The following DCAF1 variants were observed in gnomAD, a reference collection of about 807,000 sequenced individuals.
DCAF1 encodes the protein DDB1- and CUL4-associated factor 1.
A neutral mutation model predicts 128.0 loss-of-function variants in DCAF1; 15 were observed. The observed-to-expected ratio is 0.12, with a 90% confidence interval of 0.08 to 0.18. DCAF1 has a LOEUF of 0.18. Ranked by LOEUF, DCAF1 falls within the 10% of genes least tolerant of loss-of-function variation. The pLI is 1.00. For missense variants in DCAF1, 988 were observed against 1,649.5 expected (o/e 0.60, Z 6.95); for synonymous variants, 610 against 603.0 (o/e 1.01, Z -0.17).
upstream of DCAF1, among the ~76,000 whole-genome samples, chr3:51,504,989 G>A (rs940323014): frequency 6.6e-6 from 1 of 151,998 alleles, no homozygotes; most frequent in African/African-American, 2.4e-5. Flanking sequence ...ACAGCCAGGC[G>A]TGGTAGCTCA....
In DCAF1 at chr3:51,499,963, C is replaced by T. The variant is rs1207537727; in HGVS notation, c.-146G>A. ...AGCCTCAGGTCCCGCACTCACTCTC[C>T]ACTCACACACACACACAGCGCGACC... On this transcript the variant is annotated 5_prime_UTR_variant, in exon 1 of 25. Transcript: ENST00000684031. 6.7e-6 allele frequency: 1 copy of T among 149,758 alleles called. No homozygotes were observed. The highest frequency in any genetic ancestry group is 2.0e-4 in the East Asian group (1 of 5,044). 9.3% of individuals were successfully genotyped at this position (149,758 alleles called of 1,614,324 possible).
intron 10 of DCAF1, among the ~76,000 whole-genome samples, chr3:51,431,516 T>C (rs1700376733): frequency 7.9e-6 from 1 of 127,000 alleles, no homozygotes; most frequent in South Asian, 2.5e-4. Context: ...CAAGATTCCG[T>C]CTCAAAAAAA....
chr3:51,457,684 A>AG (rs561906812), intron 6 of DCAF1, among the ~76,000 whole-genome samples: 2 of 152,244 alleles, frequency 1.3e-5, no homozygotes, highest in Non-Finnish European at 2.9e-5. Context: ...TTACCCACAA[A>AG]GGGAAGCCCA....
chr3:51,470,995 A>C lies in DCAF1; in HGVS notation c.121T>G (p.Leu41Val). The change falls in exon 4 of 25, where the codon TTG becomes GTG. Residue 41 changes from leucine (L) to valine (V), a missense_variant. Transcript: ENST00000684031. ...TACTCTTCAGTTTCTTTTTCAATCA[A>C]TTGAGACATCCTAGCACAAAGGAAA... is the stretch of plus-strand genomic sequence containing the variant. ...MVPILTRMSQ[L>V]IEKETEEYRK... 1 of 1,607,594 alleles carries C rather than the reference A, an allele frequency of 6.2e-7. No individual in the cohort carries two copies.
chr3:51,449,514 T>C (rs1428857649), intron 6 of DCAF1, among the ~76,000 whole-genome samples: 3 of 152,142 alleles, frequency 2.0e-5, no homozygotes, highest in Non-Finnish European at 4.4e-5. Context: ...GCCAGAATGA[T>C]ATTTATAGCT....
intron 6 of DCAF1, among the ~76,000 whole-genome samples, chr3:51,459,851 T>G (rs1703344924): frequency 6.6e-6 from 1 of 152,140 alleles, no homozygotes; most frequent in Admixed American, 6.6e-5. Context: ...TTGACAAAAT[T>G]CAACAACCTT....
At chr3:51,469,668 A>C (rs1553647816) in intron 4 of DCAF1, among the ~76,000 whole-genome samples, 2 of 152,138 alleles carry the variant, frequency 1.3e-5, no homozygotes, top group African/African-American at 4.8e-5. Context: ...CAAGTCCCTC[A>C]TAATTCTGTA....
intron 13 of DCAF1, among the ~76,000 whole-genome samples, chr3:51,423,696 G>A (rs550155027): frequency 1.3e-5 from 2 of 151,770 alleles, no homozygotes; most frequent in East Asian, 3.9e-4. Context: ...GTGGGCATCT[G>A]TAATCCCAGC....
At chr3:51,424,054 G>A (rs1699679273) in intron 13 of DCAF1, among the ~76,000 whole-genome samples, 1 of 151,974 alleles carries the variant, frequency 6.6e-6, no homozygotes, top group Non-Finnish European at 1.5e-5. Flanking sequence ...AATAAAAAAT[G>A]TAAGATATAA....
intron 17 of DCAF1, 41 bp downstream of exon 17, chr3:51,418,075 G>A (rs917558555): frequency 1.3e-6 from 2 of 1,581,456 alleles, no homozygotes; most frequent in Admixed American, 3.7e-5. Context: ...TATAAACTAG[G>A]TAAATAAAGC....
At chr3:51,396,146 C>T (rs1374388583), downstream of DCAF1, 5 of 398,574 alleles carry the variant, frequency 1.3e-5, no homozygotes, top group Non-Finnish European at 2.3e-5. Flanking sequence ...TATCTTCCTT[C>T]ATGAAGCAGG....
At position 51,465,950 on chromosome 3, in the gene DCAF1, G is replaced by A. The variant is rs187847092; in HGVS notation, c.261+853C>T. ...GCAGTGGTTCACGTCTGTAATCCCA[G>A]CACTTTGGGAGGCCAAGGTGGGTGG... On this transcript the variant is annotated intron_variant, in intron 5 of 24. Transcript: ENST00000684031. 1.5e-4 allele frequency among the ~76,000 whole-genome samples: 23 copies of A among 152,256 alleles called. No individual in the cohort carries two copies. The East Asian group carries it at 4.1e-3, about 27-fold the overall frequency.
At chr3:51,460,063 C>T (rs1398095844) in intron 6 of DCAF1, among the ~76,000 whole-genome samples, 3 of 152,086 alleles carry the variant, frequency 2.0e-5, no homozygotes, top group African/African-American at 7.2e-5. Context: ...CCAGGGCAAT[C>T]AGGCAGGAGA....
chr3:51,418,605 A>G (rs541444006), intron 16 of DCAF1, 73 bp downstream of exon 16: 10 of 1,528,298 alleles, frequency 6.5e-6, no homozygotes, highest in Non-Finnish European at 4.4e-6. Flanking sequence ...AATAAAGGGT[A>G]AGCCTCCTTT....
chr3:51,433,754 T>TG (rs1221280781), intron 9 of DCAF1, among the ~76,000 whole-genome samples: 1 of 145,920 alleles, frequency 6.9e-6, no homozygotes, highest in Non-Finnish European at 1.5e-5. Context: ...TGAGCCACCA[T>TG]GCCCAGCCTG....
At chr3:51,500,766 T>C (rs1708761605), upstream of DCAF1, among the ~76,000 whole-genome samples, 1 of 151,882 alleles carries the variant, frequency 6.6e-6, no homozygotes, top group Non-Finnish European at 1.5e-5. Flanking sequence ...GGCCAGGCTG[T>C]TCTCGAACTC....
intron 3 of DCAF1, among the ~76,000 whole-genome samples, chr3:51,478,928 C>A (rs1210098444): frequency 1.6e-4 from 25 of 152,188 alleles, no homozygotes; most frequent in African/African-American, 5.8e-4. Flanking sequence ...ACATTTATCC[C>A]CATTTAAACT....
intron 13 of DCAF1, among the ~76,000 whole-genome samples, chr3:51,424,822 T>C (rs1699762154): frequency 6.6e-6 from 1 of 152,160 alleles, no homozygotes; most frequent in Middle Eastern, 3.2e-3. Context: ...CACAGATATA[T>C]ATAGTATAAA....
rs782505443 is a variant in DCAF1 at position 51,441,528 on chromosome 3, T to C, written c.883A>G (p.Met295Val). Residue 295 changes from methionine (M) to valine (V), a missense_variant, in exon 8 of 25, where the codon ATG (methionine) becomes GTG (valine). This residue lies in a region of DCAF1 where 210 missense variants were observed against 260.2 expected (regional missense o/e 0.81). Transcript: ENST00000684031. Reference protein sequence around the residue: ...LGFSSSDPDRMFVELSNSSWS... With the variant: ...LGFSSSDPDRVFVELSNSSWS... ...CTGCTATTAGACAGCTCAACAAACA[T>C]GCGATCTGGATCAGAAGATGAGAAA... 1.1e-5 allele frequency: 17 copies of C among 1,613,894 alleles called. 1 individual carries two copies. In the African/African-American group the frequency reaches 1.3e-4, roughly 13 times the overall value.
Sources: gnomAD v4.1 joint callset for allele counts (sites outside exome capture counted in the v4.1 genomes callset) on GRCh38, gnomAD v4.1.1 for gene constraint, gnomAD v4.1.1 regional missense constraint, MANE v1.5 for transcripts, NCBI Gene and HGNC (gene_info 2026-07-23, HGNC 2026-07-21) for gene names.